UTRN: variants seen among roughly 807,000 people sequenced by gnomAD.
The protein encoded by UTRN is utrophin.
In UTRN, 283 loss-of-function variants were observed where a neutral mutation model predicts 463.9. The observed-to-expected ratio is 0.61, with a 90% CI of 0.55 to 0.67. The LOEUF is 0.67. Ranked by LOEUF, UTRN falls within the 30% of genes least tolerant of loss-of-function variation. UTRN has a pLI of 0.00. For synonymous variants in UTRN, 1,442 were observed against 1,431.5 expected (o/e 1.01, Z -0.17); for missense variants, 3,922 against 4,084.3 (o/e 0.96, Z 1.08).
intron 53 of UTRN, chr6:144,707,035 T>C (rs888321819): frequency 6.6e-6 from 1 of 152,222 alleles, no homozygotes; most frequent in Non-Finnish European, 1.5e-5. Flanking sequence ...GATTGTAGTA[T>C]GCCTGTAAAA....
At chr6:144,849,623 A>G (rs1471946910) in intron 74 of UTRN, among the ~76,000 whole-genome samples, 2 of 150,432 alleles carry the variant, frequency 1.3e-5, no homozygotes, top group African/African-American at 4.9e-5. Context: ...TCTTTTCTTC[A>G]TTTTTTCATG....
intron 2 of UTRN, among the ~76,000 whole-genome samples, chr6:144,338,051 T>C (rs764666681): frequency 5.9e-5 from 9 of 152,248 alleles, no homozygotes; most frequent in African/African-American, 9.6e-5. Flanking sequence ...ATTTTATTTA[T>C]ATCTTCATGC....
At chr6:144,324,611 A>G (rs1328848599) in intron 2 of UTRN, among the ~76,000 whole-genome samples, 2 of 152,252 alleles carry the variant, frequency 1.3e-5, no homozygotes, top group Non-Finnish European at 2.9e-5. Flanking sequence ...TGTGAAACTC[A>G]GTGCCAGGCT....
At chr6:144,416,702 G>C (rs541060646) in intron 3 of UTRN, among the ~76,000 whole-genome samples, 48 of 152,316 alleles carry the variant, frequency 3.2e-4, no homozygotes, top group African/African-American at 1.1e-3. Context: ...CTAGAGTTGT[G>C]TCATGTGGTT....
intron 27 of UTRN, among the ~76,000 whole-genome samples, chr6:144,484,432 CTTTTTTTTTTTT>C (rs765122659): frequency 2.6e-4 from 17 of 66,254 alleles, no homozygotes; most frequent in Admixed American, 6.9e-4. Context: ...AAAAACCAAA[CTTTTTTTTTTTT>C]TTTTTTTTTT....
intron 7 of UTRN, among the ~76,000 whole-genome samples, chr6:144,428,493 T>C (rs1204095107): frequency 1.3e-5 from 2 of 151,790 alleles, no homozygotes; most frequent in Non-Finnish European, 2.9e-5. Flanking sequence ...TTTCTTCTTC[T>C]ACTCTTTGGG....
chr6:144,546,707 G>A (rs1002770183), intron 46 of UTRN, among the ~76,000 whole-genome samples: 1 of 152,118 alleles, frequency 6.6e-6, no homozygotes, highest in Non-Finnish European at 1.5e-5. Context: ...TAATCAGGAG[G>A]CAGTGGTGGG....
At chr6:144,705,783 A>T (rs972661024) in intron 53 of UTRN, among the ~76,000 whole-genome samples, 7 of 152,192 alleles carry the variant, frequency 4.6e-5, no homozygotes, top group African/African-American at 1.4e-4. Flanking sequence ...GCTGAAGGGC[A>T]GTATATAATT....
intron 2 of UTRN, among the ~76,000 whole-genome samples, chr6:144,398,905 G>C (rs1782693543): frequency 6.6e-6 from 1 of 152,014 alleles, no homozygotes; most frequent in East Asian, 1.9e-4. Context: ...AGAGTGAAGT[G>C]AAACTCTGTT....
chr6:144,353,548 G>A (rs1285007837), intron 2 of UTRN, among the ~76,000 whole-genome samples: 1 of 151,830 alleles, frequency 6.6e-6, no homozygotes, highest in Non-Finnish European at 1.5e-5. Context: ...GTGAGCCACT[G>A]TGCCTGGCTA....
chr6:144,534,345 G>A (rs369943162), intron 43 of UTRN, among the ~76,000 whole-genome samples: 3 of 152,138 alleles, frequency 2.0e-5, no homozygotes, highest in East Asian at 3.9e-4. Flanking sequence ...TAAGAGAGGC[G>A]AGGTTAAGTA....
intron 13 of UTRN, among the ~76,000 whole-genome samples, 164 bp from the exon 14 acceptor site, chr6:144,444,117 C>T (rs538378439): frequency 1.0e-3 from 157 of 152,236 alleles, no homozygotes; most frequent in South Asian, 2.5e-3. Context: ...CTGATTCATA[C>T]ATTTCTAGGC....
In UTRN at chr6:144,751,849, C is replaced by T. The variant is rs774039706; in HGVS notation, c.8252C>T (p.Thr2751Met). 17 of 1,611,332 alleles carry T rather than the reference C, an allele frequency of 1.1e-5. No homozygotes were observed. The highest frequency in any genetic ancestry group is 2.2e-5 in the East Asian group (1 of 44,718). The part of the protein sequence containing the change: ...EIAPINFKVK[T>M]VNDLSSQLSP... ...GCACCAATCAACTTTAAAGTTAAAA[C>T]GGTGAATGATTTATCCAGTCAGCTG... Residue 2751 changes from threonine (T) to methionine (M), a missense_variant, in exon 56 of 75, where the codon ACG (threonine) becomes ATG (methionine). This residue lies in a region of UTRN where 1,309 missense variants were observed against 1,452.6 expected (regional missense o/e 0.90). Transcript: ENST00000367545.
intron 25 of UTRN, among the ~76,000 whole-genome samples, chr6:144,475,428 G>A (rs902581021): frequency 1.3e-4 from 20 of 152,180 alleles, no homozygotes; most frequent in South Asian, 6.2e-4. Context: ...AAAACAGAGA[G>A]GAGTTAGTGA....
chr6:144,788,619 C>T (rs1332300207), intron 61 of UTRN, among the ~76,000 whole-genome samples: 2 of 149,050 alleles, frequency 1.3e-5, no homozygotes, highest in East Asian at 2.0e-4. Context: ...GGCTGGAGTG[C>T]AATGGCACGA....
chr6:144,441,433 G>T (rs1321170890), intron 13 of UTRN, among the ~76,000 whole-genome samples: 1 of 152,224 alleles, frequency 6.6e-6, no homozygotes, highest in Non-Finnish European at 1.5e-5. Context: ...GCTTCAAAAT[G>T]ATCTCCTTTG....
chr6:144,655,686 A>G (rs1390733226), intron 51 of UTRN, among the ~76,000 whole-genome samples: 1 of 152,116 alleles, frequency 6.6e-6, no homozygotes, highest in Non-Finnish European at 1.5e-5. Context: ...ACCTGTTAGA[A>G]TTTACATAGA....
rs771339301 is a variant in UTRN, at chr6:144,447,274, T to C, written c.1678T>C (p.Phe560Leu). The C allele has an allele frequency of 5.0e-6, 8 of 1,613,848 alleles. No individual in the cohort carries two copies. In the Admixed American group the frequency reaches 1.3e-4, roughly 27 times the overall value. The stretch of plus-strand genomic sequence containing the variant: ...TTTAAATAAAGTCCAGACAAGCAAC[T>C]TCAAAGACCAAAAGGAACTAAGTGT... ...EALNKVQTSN[F>L]KDQKELSVSV... Residue 560 changes from phenylalanine (F) to leucine (L), a missense_variant, in exon 15 of 75, where the codon TTC (phenylalanine) becomes CTC (leucine). Physicochemically the swap from Phe to Leu is conservative, Grantham distance 22. This residue lies in a region of UTRN where 2,349 missense variants were observed against 2,303.8 expected (regional missense o/e 1.02). Transcript: ENST00000367545.
chr6:144,349,823 A>G (rs1427788100), intron 2 of UTRN, among the ~76,000 whole-genome samples: 2 of 152,168 alleles, frequency 1.3e-5, no homozygotes, highest in Non-Finnish European at 2.9e-5. Flanking sequence ...TGCAAATTCA[A>G]GACTTGGTTG....
Sources: allele counts gnomAD v4.1 joint callset (sites outside exome capture counted in the v4.1 genomes callset), GRCh38; gene constraint gnomAD v4.1.1; regional missense constraint gnomAD v4.1.1; transcripts MANE v1.5; gene names NCBI Gene and HGNC (gene_info 2026-07-23, HGNC 2026-07-21).